The following NUDT3 variants were observed in gnomAD, a reference collection of about 807,000 sequenced individuals.
NUDT3 encodes nudix hydrolase 3, also known as diphosphoinositol polyphosphate phosphohydrolase 1.
A neutral mutation model predicts 23.6 loss-of-function variants in NUDT3; 9 were observed. That is an observed-to-expected ratio of 0.38 (90% CI 0.23 to 0.66). The LOEUF (loss-of-function observed/expected upper bound fraction) is 0.66. Among genes scored for constraint, NUDT3 ranks in the 30% least tolerant of loss-of-function variants. NUDT3 has a pLI of 0.52. For synonymous variants in NUDT3, 86 were observed against 82.6 expected, an observed-to-expected ratio of 1.04 and a Z score of -0.22; for missense variants, 172 against 218.5, an observed-to-expected ratio of 0.79 and a Z score of 1.34.
intron 1 of NUDT3, among the ~76,000 whole-genome samples, chr6:34,365,385 C>T (rs757590358): frequency 2.6e-4 from 39 of 151,758 alleles, no homozygotes; most frequent in Middle Eastern, 3.4e-3. Flanking sequence ...ACCAAGATCG[C>T]GCCACTGCAC....
chr6:34,325,853 T>C (rs897250732), intron 2 of NUDT3, among the ~76,000 whole-genome samples: 2 of 152,212 alleles, frequency 1.3e-5, no homozygotes, highest in African/African-American at 2.4e-5. Flanking sequence ...TTGACAAACA[T>C]ACAATCTGTC....
In NUDT3 at chr6:34,293,548, G is replaced by T. The variant is rs751123634; in HGVS notation, c.256-13C>A. ...TCCTCTCCTGGTTCTGAAGGGCAAA[G>T]AGAGAAGGATAGAGAGAGTTTTTCC... On this transcript the variant is annotated splice_polypyrimidine_tract_variant and intron_variant, in intron 3 of 4. Coordinates refer to ENST00000607016, the MANE Select transcript of NUDT3 (RefSeq NM_006703.4). 3 of 1,613,960 alleles carry T rather than the reference G, an allele frequency of 1.9e-6. No homozygotes were observed. The highest frequency in any genetic ancestry group is 1.7e-6 in the Non-Finnish European group (2 of 1,179,982).
At chr6:34,318,670 A>C (rs955281607) in intron 2 of NUDT3, among the ~76,000 whole-genome samples, 2 of 152,302 alleles carry the variant, frequency 1.3e-5, no homozygotes, top group African/African-American at 4.8e-5. Context: ...GACTGTTTCT[A>C]ATTTTTTGCT....
chr6:34,367,219 C>T (rs142612615), intron 1 of NUDT3, among the ~76,000 whole-genome samples: 11,197 of 151,990 alleles, frequency 0.074, 1,218 homozygotes, highest in East Asian at 0.43. Context: ...CAGTGGCTCA[C>T]GCCTGTAATA....
At chr6:34,386,655 T>C (rs1554159823) in intron 1 of NUDT3, among the ~76,000 whole-genome samples, 1 of 152,120 alleles carries the variant, frequency 6.6e-6, no homozygotes, top group Non-Finnish European at 1.5e-5. Context: ...ATGGACTATA[T>C]AACATTTCAG....
At chr6:34,330,698 G>A (rs1764113982) in intron 2 of NUDT3, among the ~76,000 whole-genome samples, 1 of 152,062 alleles carries the variant, frequency 6.6e-6, no homozygotes, top group Non-Finnish European at 1.5e-5. Flanking sequence ...CTACTCAGGA[G>A]GCCAAGGTGC....
intron 2 of NUDT3, among the ~76,000 whole-genome samples, chr6:34,320,350 C>T (rs1283866754): frequency 6.6e-6 from 1 of 152,060 alleles, no homozygotes; most frequent in Non-Finnish European, 1.5e-5. Flanking sequence ...CTTCAGGCTC[C>T]CAAGTAACTG....
intron 2 of NUDT3, among the ~76,000 whole-genome samples, chr6:34,310,623 A>C (rs1404577800): frequency 2.0e-5 from 3 of 152,180 alleles, no homozygotes; most frequent in Non-Finnish European, 4.4e-5. Context: ...GAATTCTACA[A>C]GTTAAGGAAA....
intron 2 of NUDT3, among the ~76,000 whole-genome samples, chr6:34,313,571 T>A (rs931465505): frequency 2.0e-5 from 3 of 151,982 alleles, no homozygotes; most frequent in African/African-American, 7.3e-5. Flanking sequence ...GTGTGAGATG[T>A]TGATAATGGG....
intron 2 of NUDT3, among the ~76,000 whole-genome samples, chr6:34,297,966 A>C (rs1471439962): frequency 2.0e-5 from 3 of 151,564 alleles, no homozygotes; most frequent in African/African-American, 4.8e-5. Flanking sequence ...TTTAGCAGCT[A>C]CTATCCAATA....
chr6:34,351,876 A>C (rs191132468), intron 1 of NUDT3, among the ~76,000 whole-genome samples: 70 of 152,046 alleles, frequency 4.6e-4, no homozygotes, highest in African/African-American at 1.6e-3. Context: ...GAGGTGCTTT[A>C]CTTTAAAACC....
At chr6:34,326,610 C>A (rs1217027589) in intron 2 of NUDT3, among the ~76,000 whole-genome samples, 2 of 144,856 alleles carry the variant, frequency 1.4e-5, no homozygotes, top group African/African-American at 5.0e-5. Context: ...TTTTTTTTTT[C>A]TTTTTTTTGA....
At chr6:34,336,923 GA>G (rs1323246219) in intron 2 of NUDT3, among the ~76,000 whole-genome samples, 1 of 152,126 alleles carries the variant, frequency 6.6e-6, no homozygotes, top group African/African-American at 2.4e-5. Context: ...TAAACATCTT[GA>G]AAACTAAGTG....
chr6:34,332,748 T>C (rs1017112398), intron 2 of NUDT3, among the ~76,000 whole-genome samples: 1 of 152,182 alleles, frequency 6.6e-6, no homozygotes, highest in African/African-American at 2.4e-5. Flanking sequence ...CTGAAACCAA[T>C]ACCAAGGAAT....
At chr6:34,310,543 TCCACCACCA>T (rs569013994) in intron 2 of NUDT3, among the ~76,000 whole-genome samples, 2 of 150,954 alleles carry the variant, frequency 1.3e-5, no homozygotes, top group African/African-American at 4.9e-5. Context: ...AACAACAACA[TCCACCACCA>T]CCACCACCAC....
intron 2 of NUDT3, among the ~76,000 whole-genome samples, chr6:34,323,701 C>G (rs908200886): frequency 6.6e-6 from 1 of 152,172 alleles, no homozygotes; most frequent in Non-Finnish European, 1.5e-5. Flanking sequence ...CTATCTACAA[C>G]TTTACATTCA....
In NUDT3 at chr6:34,377,483, TA is replaced by T. The variant is rs201466106; in HGVS notation, c.99+14780del. 9.2e-3 allele frequency among the ~76,000 whole-genome samples: 1,398 copies of T among 152,314 alleles called. 15 individuals are homozygous for T. The highest frequency in any genetic ancestry group is 0.024 in the Middle Eastern group (7 of 294). ...TTGATACCCCCAACATTTAAAACATTAAAAATTCACACATTCTCAAATATTA... is the reference window on the plus strand; with the variant it reads ...TTGATACCCCCAACATTTAAAACATTAAAATTCACACATTCTCAAATATTA... On this transcript the variant is annotated intron_variant, in intron 1 of 4. Coordinates refer to ENST00000607016, the MANE Select transcript of NUDT3 (RefSeq NM_006703.4).
At chr6:34,371,154 T>C (rs906352013) in intron 1 of NUDT3, among the ~76,000 whole-genome samples, 45 of 150,198 alleles carry the variant, frequency 3.0e-4, no homozygotes, top group Admixed American at 1.3e-3. Flanking sequence ...GCTGTGTCTT[T>C]AAAAAGCAAC....
chr6:34,378,622 A>C (rs943007555), intron 1 of NUDT3, among the ~76,000 whole-genome samples: 3 of 152,220 alleles, frequency 2.0e-5, no homozygotes, highest in Non-Finnish European at 4.4e-5. Context: ...TGGCAGCAAA[A>C]GCCACAGCCT....
Sources: gnomAD v4.1 joint callset for allele counts (sites outside exome capture counted in the v4.1 genomes callset) on GRCh38, gnomAD v4.1.1 for gene constraint, MANE v1.5 for transcripts, NCBI Gene and HGNC (gene_info 2026-07-23, HGNC 2026-07-21) for gene names.